ROBO2: variants seen among roughly 807,000 people sequenced by gnomAD.
ROBO2 encodes the protein roundabout homolog 2.
A neutral mutation model predicts 160.8 loss-of-function variants in ROBO2; 53 were observed. The ratio of observed to expected loss-of-function variants is 0.33; its 90% CI spans 0.26 to 0.41. The LOEUF (loss-of-function observed/expected upper bound fraction) is 0.41. ROBO2 is among the 10% of genes least tolerant of loss of function. The pLI is 1.00. For synonymous variants in ROBO2, 664 were observed against 611.7 expected (o/e 1.09, Z -1.26); for missense variants, 1,577 against 1,722.4 (o/e 0.92, Z 1.49).
chr3:76,519,471 T>C (rs372909205), intron 2 of ROBO2, among the ~76,000 whole-genome samples: 22 of 152,292 alleles, frequency 1.4e-4, no homozygotes, highest in African/African-American at 5.3e-4. Context: ...CTTCCCAAAC[T>C]CTCTGTCTGC....
chr3:77,249,631 T>TA (rs5850318), intron 2 of ROBO2, among the ~76,000 whole-genome samples: 104,055 of 151,680 alleles, frequency 0.69, 36,210 homozygotes, highest in East Asian at 0.8. Flanking sequence ...AACTTTTTTT[T>TA]TATTTAAAAA....
At chr3:76,170,936 T>G (rs76877111) in intron 2 of ROBO2, among the ~76,000 whole-genome samples, 3,862 of 152,242 alleles carry the variant, frequency 0.025, 241 homozygotes, top group East Asian at 0.23. Context: ...TTAAGCACCT[T>G]CTGTATGCCA....
intron 2 of ROBO2, among the ~76,000 whole-genome samples, chr3:76,108,437 A>G (rs2070051777): frequency 6.6e-6 from 1 of 152,014 alleles, no homozygotes; most frequent in Non-Finnish European, 1.5e-5. Flanking sequence ...ATTACATTGA[A>G]TATCATCACT....
Position 77,481,367 on chromosome 3 carries a change from G to A in ROBO2, c.667+148G>A, listed in dbSNP as rs539941182. ...ACAAATTAGAATTATCTTGTTTTCT[G>A]TCTTTCTAATGAAAGCTTCGATGTA... is the stretch of plus-strand genomic sequence containing the variant. On this transcript the variant is annotated intron_variant, in intron 4 of 25. Coordinates refer to ENST00000461745, the Ensembl canonical transcript of ROBO2. 5 of 570,284 alleles carry A rather than the reference G, an allele frequency of 8.8e-6. No individual in the cohort carries two copies. The South Asian group carries it at 3.5e-4, about 40-fold the overall frequency. The allele number at this position is 570,284 out of a possible 1,614,324, so 35.3% of individuals were successfully genotyped here.
intron 6 of ROBO2, among the ~76,000 whole-genome samples, chr3:77,529,422 T>A (rs1035260878): frequency 4.0e-5 from 6 of 151,734 alleles, no homozygotes; most frequent in African/African-American, 1.4e-4. Context: ...TCGGCAGCAG[T>A]TGTACTTATA....
intron 2 of ROBO2, among the ~76,000 whole-genome samples, chr3:76,070,387 C>T (rs2068409833): frequency 1.3e-5 from 2 of 152,110 alleles, no homozygotes; most frequent in South Asian, 4.1e-4. Context: ...GAAATGGACT[C>T]CAGTCTCCCA....
In ROBO2 at chr3:76,339,794, G is replaced by A. The variant is rs143015332; in HGVS notation, c.109+402192G>A. Among the ~76,000 whole-genome samples, 1,378 of 151,972 alleles carry A rather than the reference G, an allele frequency of 9.1e-3. 21 individuals are homozygous for A. Among genetic ancestry groups the A allele is most frequent in the African/African-American group, 0.031 (1,276 of 41,458 alleles). ...ATTTGGGTGTATATTGTTATTAATC[G>A]TTACAATAATTCATATGTTTATATC... On this transcript the variant is annotated intron_variant, in intron 2 of 26. Transcript: ENST00000487694.
intron 2 of ROBO2, among the ~76,000 whole-genome samples, chr3:77,196,591 A>T (rs1475520547): frequency 1.3e-5 from 2 of 152,078 alleles, no homozygotes; most frequent in African/African-American, 4.8e-5. Context: ...ACTTAATCAG[A>T]ATATACTTAA....
intron 2 of ROBO2, among the ~76,000 whole-genome samples, chr3:76,556,201 A>G (rs1013523110): frequency 4.5e-4 from 69 of 152,324 alleles, no homozygotes; most frequent in African/African-American, 1.6e-3. Flanking sequence ...AGTATATCCT[A>G]TTAAGAATTC....
At chr3:77,385,702 T>C (rs1430066090) in intron 2 of ROBO2, among the ~76,000 whole-genome samples, 4 of 152,128 alleles carry the variant, frequency 2.6e-5, no homozygotes, top group Non-Finnish European at 5.9e-5. Context: ...ATTCCTCAAG[T>C]GAAATGAGAC....
At chr3:76,458,144 C>A (rs755846105) in intron 2 of ROBO2, among the ~76,000 whole-genome samples, 1 of 152,130 alleles carries the variant, frequency 6.6e-6, no homozygotes, top group African/African-American at 2.4e-5. Context: ...TCTTTTCTAT[C>A]ACATAGTCAG....
chr3:75,946,669 G>A (rs917003312), intron 2 of ROBO2, among the ~76,000 whole-genome samples: 8 of 152,060 alleles, frequency 5.3e-5, no homozygotes, highest in Admixed American at 2.0e-4. Flanking sequence ...GGTGCTCTGA[G>A]CAGAAGGAAG....
chr3:75,987,719 G>C (rs932951035), intron 2 of ROBO2, among the ~76,000 whole-genome samples: 16 of 151,950 alleles, frequency 1.1e-4, no homozygotes, highest in Admixed American at 5.9e-4. Context: ...TGTTAAGGTA[G>C]TTTTCTTCAG....
intron 2 of ROBO2, among the ~76,000 whole-genome samples, chr3:76,613,331 ATCTC>A (rs1033744406): frequency 1.3e-5 from 2 of 152,004 alleles, no homozygotes; most frequent in African/African-American, 2.4e-5. Flanking sequence ...GTGTGTCTGA[ATCTC>A]TCTGTCTCTC....
At chr3:76,951,579 T>C (rs966586080) in intron 2 of ROBO2, among the ~76,000 whole-genome samples, 1 of 152,238 alleles carries the variant, frequency 6.6e-6, no homozygotes, top group African/African-American at 2.4e-5. Context: ...ATTTTTAACT[T>C]CTTTCTGAAC....
intron 2 of ROBO2, among the ~76,000 whole-genome samples, chr3:76,050,795 A>G (rs771332402): frequency 1.1e-4 from 17 of 152,212 alleles, no homozygotes; most frequent in Non-Finnish European, 2.1e-4. Context: ...AACAGGGCTC[A>G]GCAGGTGAAA....
At chr3:76,761,520 G>A (rs753265248) in intron 2 of ROBO2, among the ~76,000 whole-genome samples, 1 of 151,604 alleles carries the variant, frequency 6.6e-6, no homozygotes, top group Admixed American at 6.6e-5. Flanking sequence ...CCACAAATTG[G>A]TTATTCCAGA....
At chr3:76,105,138 T>G (rs1408662845) in intron 2 of ROBO2, among the ~76,000 whole-genome samples, 1 of 151,890 alleles carries the variant, frequency 6.6e-6, no homozygotes, top group Non-Finnish European at 1.5e-5. Context: ...TGGGAAAAAT[T>G]TCATGGTACC....
chr3:77,212,893 G>A (rs1310282338), intron 2 of ROBO2, among the ~76,000 whole-genome samples: 1 of 152,158 alleles, frequency 6.6e-6, no homozygotes, highest in Non-Finnish European at 1.5e-5. Flanking sequence ...ATTTGCATAT[G>A]TTGAACCAGC....
Sources: gnomAD v4.1 joint callset for allele counts (sites outside exome capture counted in the v4.1 genomes callset) on GRCh38, gnomAD v4.1.1 for gene constraint, MANE v1.5 for transcripts, NCBI Gene and HGNC (gene_info 2026-07-23, HGNC 2026-07-21) for gene names.